Variants in KLF16 observed in about 807,000 individuals in gnomAD.
KLF16 encodes Krueppel-like factor 16.
Under a neutral mutation model 6.1 loss-of-function variants are expected in KLF16, and 6 were observed. The ratio of observed to expected loss-of-function variants is 0.98; its 90% confidence interval spans 0.54 to 1.93. KLF16 has a LOEUF of 1.93. Among genes scored for constraint, KLF16 ranks in the 30% most tolerant of loss-of-function variants. The probability of loss-of-function intolerance (pLI) is 0.01; values close to 1 mark genes in which losing one functional copy is unlikely to be tolerated. For synonymous variants in KLF16, 211 were observed against 176.5 expected (o/e 1.20, Z -1.55); for missense variants, 355 against 363.8 (o/e 0.98, Z 0.20).
upstream of KLF16, among the ~76,000 whole-genome samples, chr19:1,865,621 T>C (rs1218861883): frequency 6.6e-6 from 1 of 152,214 alleles, no homozygotes; most frequent in Non-Finnish European, 1.5e-5. Flanking sequence ...TGAGACTCCA[T>C]TGTCTGCCCA....
chr19:1,862,199 G>T (rs2012079605), intron 1 of KLF16, among the ~76,000 whole-genome samples: 1 of 151,330 alleles, frequency 6.6e-6, no homozygotes, highest in Non-Finnish European at 1.5e-5. Context: ...TCCCAGTCCA[G>T]AAAGTGGAAC....
At chr19:1,861,595 G>A (rs545523921) in intron 1 of KLF16, 7 of 152,300 alleles carry the variant, frequency 4.6e-5, no homozygotes, top group Non-Finnish European at 8.8e-5. Flanking sequence ...CCCCACCCAA[G>A]TCCTGTCTTG....
intron 1 of KLF16, among the ~76,000 whole-genome samples, chr19:1,859,694 G>A (rs1417935569): frequency 2.0e-5 from 3 of 151,936 alleles, no homozygotes; most frequent in East Asian, 3.9e-4. Context: ...CATCCCTGTT[G>A]CCACCCCCCA....
chr19:1,871,033 G>A, the KLF16 span, among the ~76,000 whole-genome samples: 1 of 152,192 alleles, frequency 6.6e-6, no homozygotes, highest in African/African-American at 2.4e-5. Flanking sequence ...AGGAAAGAGT[G>A]CACAGGGTTG....
At chr19:1,873,800 C>T in the KLF16 span, among the ~76,000 whole-genome samples, 2 of 152,200 alleles carry the variant, frequency 1.3e-5, no homozygotes, top group Admixed American at 1.3e-4. Flanking sequence ...TGGGGAGAGG[C>T]CGAGGGTGGA....
chr19:1,871,509 T>C, the KLF16 span, among the ~76,000 whole-genome samples: 1 of 152,204 alleles, frequency 6.6e-6, no homozygotes, highest in Non-Finnish European at 1.5e-5. Context: ...TGCAGGACAC[T>C]GTGGTCTGGT....
At chr19:1,869,401 TC>T in the KLF16 span, among the ~76,000 whole-genome samples, 1 of 152,034 alleles carries the variant, frequency 6.6e-6, no homozygotes, top group Non-Finnish European at 1.5e-5. Flanking sequence ...AATCACTTGA[TC>T]CCAGGAGGCG....
chr19:1,871,703 A>G, the KLF16 span, among the ~76,000 whole-genome samples: 2 of 152,090 alleles, frequency 1.3e-5, no homozygotes, highest in African/African-American at 4.8e-5. Flanking sequence ...GACAGAGGAC[A>G]AGGTTCCACC....
the KLF16 span, among the ~76,000 whole-genome samples, chr19:1,868,859 T>C: frequency 6.6e-6 from 1 of 152,010 alleles, no homozygotes; most frequent in Non-Finnish European, 1.5e-5. Flanking sequence ...ACCGGGCTGG[T>C]CTTGAACCCC....
rs1336617692 is a variant in KLF16 at position 1,857,698 on chromosome 19, C to T, written c.458-2938G>A. 1.3e-5 allele frequency among the ~76,000 whole-genome samples: 2 copies of T among 151,620 alleles called. No homozygotes were observed. Among genetic ancestry groups the T allele is most frequent in the African/African-American group, 2.4e-5 (1 of 41,206 alleles). ...AGGGGGGCTGTGGCCGGCTGCCTGC[C>T]GGGGCACTCACGTCCACCTAACAGG... On this transcript the variant is annotated intron_variant, in intron 1 of 1. Transcript: ENST00000250916. This position sits in a 1 kb window ranked among gnomAD's most constrained non-coding sequence, Gnocchi z 4.7.
intron 1 of KLF16, among the ~76,000 whole-genome samples, chr19:1,856,053 A>C (rs2011942734): frequency 6.6e-6 from 1 of 152,204 alleles, no homozygotes; most frequent in African/African-American, 2.4e-5. Context: ...GGTGGGTTAC[A>C]AACTGGGCAG....
At chr19:1,871,057 T>C in the KLF16 span, among the ~76,000 whole-genome samples, 1 of 151,888 alleles carries the variant, frequency 6.6e-6, no homozygotes, top group South Asian at 2.1e-4. Context: ...ACTGTACTGC[T>C]GGTAACAGAA....
the KLF16 span, among the ~76,000 whole-genome samples, chr19:1,869,223 TC>T: frequency 1.3e-5 from 2 of 152,140 alleles, no homozygotes; most frequent in East Asian, 3.8e-4. Context: ...ACGCCCGTAA[TC>T]CCAGCACTTC....
chr19:1,864,030 C>T (rs928262041), upstream of KLF16, among the ~76,000 whole-genome samples: 14 of 147,562 alleles, frequency 9.5e-5, 1 homozygote, highest in African/African-American at 2.0e-4. Context: ...CCGGCACGCC[C>T]CTCCTTCCGA....
chr19:1,857,516 A>T lies in KLF16; in HGVS notation c.458-2756T>A, dbSNP rs929468512. 3.9e-5 allele frequency among the ~76,000 whole-genome samples: 6 copies of T among 152,106 alleles called. No homozygotes were observed. Among genetic ancestry groups the T allele is most frequent in the African/African-American group, 1.4e-4 (6 of 41,396 alleles). ...CAGCCTCGGAAACAGGCAGGCTCAGAAAAATGGAGTCCAGGAAGTCCTGGA... is the reference window on the plus strand; with the variant it reads ...CAGCCTCGGAAACAGGCAGGCTCAGTAAAATGGAGTCCAGGAAGTCCTGGA... On this transcript the variant is annotated intron_variant, in intron 1 of 1. Coordinates refer to ENST00000250916, the MANE Select transcript of KLF16 (RefSeq NM_031918.4). This position sits in a 1 kb window ranked among gnomAD's most constrained non-coding sequence, Gnocchi z 4.7.
chr19:1,856,356 C>A (rs1375682963), intron 1 of KLF16, among the ~76,000 whole-genome samples: 1 of 152,164 alleles, frequency 6.6e-6, no homozygotes, highest in African/African-American at 2.4e-5. Context: ...AAGAAAAAAC[C>A]TTCCCTTCTC....
chr19:1,855,007 G>A (rs1186709889), intron 1 of KLF16, among the ~76,000 whole-genome samples: 1 of 152,132 alleles, frequency 6.6e-6, no homozygotes, highest in African/African-American at 2.4e-5. Flanking sequence ...GGACTCTCCG[G>A]CGAGCCCAGA....
chr19:1,855,765 CA>C lies in KLF16; in HGVS notation c.458-1006del, dbSNP rs2011937652. ...ACGACTGGGGAGGGGCAGGTCAGTC[CA>C]CCTCCACCCAGGGACCGAAGCAGGA... On this transcript the variant is annotated intron_variant, in intron 1 of 1. Transcript: ENST00000250916. 2.6e-5 allele frequency among the ~76,000 whole-genome samples: 4 copies of C among 152,302 alleles called. No homozygotes were observed. The South Asian group carries it at 8.3e-4, about 32-fold the overall frequency.
rs1294349649 is a variant in KLF16 at position 1,853,727 on chromosome 19, G to C, written c.*732C>G. On this transcript the variant is annotated 3_prime_UTR_variant, in exon 2 of 2. Coordinates refer to ENST00000250916, the MANE Select transcript of KLF16 (RefSeq NM_031918.4). ...AATAAATAAGCCAGGATTCCCTCCCGACCCCACTGAGTCAAATGTTCTTTG... is the reference window on the plus strand; with the variant it reads ...AATAAATAAGCCAGGATTCCCTCCCCACCCCACTGAGTCAAATGTTCTTTG... The C allele has an allele frequency of 6.6e-6, 1 of 152,436 alleles. No individual in the cohort carries two copies. The highest frequency in any genetic ancestry group is 6.5e-5 in the Admixed American group (1 of 15,274). 9.4% of individuals were successfully genotyped at this position (152,436 alleles called of 1,614,324 possible). A position where few individuals can be genotyped will look rare whatever the true frequency, so the allele number is the denominator to read the frequency against.
Sources: gnomAD v4.1 joint callset for allele counts (sites outside exome capture counted in the v4.1 genomes callset) on GRCh38, gnomAD v4.1.1 for gene constraint, Gnocchi (gnomAD v3.1) non-coding constraint, MANE v1.5 for transcripts, NCBI Gene and HGNC (gene_info 2026-07-23, HGNC 2026-07-21) for gene names.